The following RIMS2 variants were observed in gnomAD, a reference collection of about 807,000 sequenced individuals.
RIMS2 encodes regulating synaptic membrane exocytosis protein 2.
Under a neutral mutation model 174.4 loss-of-function variants are expected in RIMS2, and 59 were observed. The observed-to-expected ratio is 0.34, with a 90% CI of 0.27 to 0.42. The LOEUF (loss-of-function observed/expected upper bound fraction) is 0.42, where lower values mean the gene tolerates loss of function less well. RIMS2 is among the 10% of genes least tolerant of loss of function. RIMS2 has a pLI of 1.00. For missense variants in RIMS2, 1,620 were observed against 1,666.3 expected, an observed-to-expected ratio of 0.97 and a Z score of 0.48; for synonymous variants, 606 against 572.5, an observed-to-expected ratio of 1.06 and a Z score of -0.84.
chr8:103,836,231 A>T (rs1036179170), intron 3 of RIMS2, among the ~76,000 whole-genome samples: 1 of 152,184 alleles, frequency 6.6e-6, no homozygotes, highest in African/African-American at 2.4e-5. Flanking sequence ...ATTTTATGAT[A>T]ATTATTTATA....
intron 1 of RIMS2, among the ~76,000 whole-genome samples, chr8:103,608,735 G>T (rs1405535773): frequency 6.6e-6 from 1 of 152,120 alleles, no homozygotes; most frequent in African/African-American, 2.4e-5. Context: ...CAGTATTCGG[G>T]TGGGAGTGAC....
intron 19 of RIMS2, among the ~76,000 whole-genome samples, chr8:104,178,885 G>C (rs970306964): frequency 6.6e-6 from 1 of 152,040 alleles, no homozygotes; most frequent in Non-Finnish European, 1.5e-5. Flanking sequence ...TCTCAAAGTA[G>C]TTCTTGGATA....
intron 1 of RIMS2, among the ~76,000 whole-genome samples, chr8:103,531,640 A>G (rs1322990840): frequency 6.6e-6 from 1 of 152,214 alleles, no homozygotes; most frequent in Admixed American, 6.5e-5. Context: ...ATTTTAAAAC[A>G]TCAAAAGAAT....
chr8:104,055,571 G>T (rs1473903646), intron 19 of RIMS2, among the ~76,000 whole-genome samples: 1 of 152,070 alleles, frequency 6.6e-6, no homozygotes, highest in Non-Finnish European at 1.5e-5. Flanking sequence ...TTTCTTCTCT[G>T]AGGGAATTTT....
chr8:103,693,108 C>T (rs2097052761), intron 1 of RIMS2, among the ~76,000 whole-genome samples: 1 of 152,150 alleles, frequency 6.6e-6, no homozygotes, highest in Admixed American at 6.5e-5. Flanking sequence ...TAAATGCTCC[C>T]TCTATGAGGG....
intron 14 of RIMS2, among the ~76,000 whole-genome samples, chr8:103,951,958 C>T (rs1297763164): frequency 1.3e-5 from 2 of 152,200 alleles, no homozygotes; most frequent in African/African-American, 4.8e-5. Context: ...TAGGCGGTTT[C>T]GACCTCACAG....
At chr8:104,141,850 AC>A (rs2098579549) in intron 19 of RIMS2, among the ~76,000 whole-genome samples, 1 of 152,136 alleles carries the variant, frequency 6.6e-6, no homozygotes. Context: ...GCCTTCCTTG[AC>A]AACCTTATTT....
intron 16 of RIMS2, among the ~76,000 whole-genome samples, chr8:103,987,245 G>A (rs1467571498): frequency 1.3e-5 from 2 of 151,862 alleles, no homozygotes; most frequent in African/African-American, 4.8e-5. Context: ...TCTAGGCTCA[G>A]ATACCGGGAC....
chr8:103,689,779 T>C (rs1327999728), intron 1 of RIMS2, among the ~76,000 whole-genome samples: 1 of 152,168 alleles, frequency 6.6e-6, no homozygotes, highest in Non-Finnish European at 1.5e-5. Context: ...ATTATAACAC[T>C]GTGATTATGG....
chr8:104,092,236 C>G (rs1278194112), intron 19 of RIMS2, among the ~76,000 whole-genome samples: 3 of 151,642 alleles, frequency 2.0e-5, no homozygotes, highest in Non-Finnish European at 4.4e-5. Context: ...AATGAATTGT[C>G]ATTCGTGGGG....
intron 1 of RIMS2, among the ~76,000 whole-genome samples, chr8:103,664,478 G>A (rs1226774265): frequency 6.6e-6 from 1 of 152,140 alleles, no homozygotes; most frequent in Non-Finnish European, 1.5e-5. Context: ...GATATGAACA[G>A]ACACTTCTCA....
intron 19 of RIMS2, among the ~76,000 whole-genome samples, chr8:104,078,002 G>A (rs1598352062): frequency 6.6e-6 from 1 of 151,838 alleles, no homozygotes; most frequent in Non-Finnish European, 1.5e-5. Context: ...AAATTACCTG[G>A]GTGTGGTGGC....
chr8:103,729,968 G>T (rs902030901), intron 2 of RIMS2, among the ~76,000 whole-genome samples: 1 of 152,136 alleles, frequency 6.6e-6, no homozygotes, highest in African/African-American at 2.4e-5. Context: ...CCTAGCATAT[G>T]GTCTATGCTT....
At chr8:103,886,929 G>T (rs535996431) in intron 4 of RIMS2, among the ~76,000 whole-genome samples, 1 of 151,572 alleles carries the variant, frequency 6.6e-6, no homozygotes, top group South Asian at 2.1e-4. Context: ...AATTATAATG[G>T]TTATCTTTAT....
intron 2 of RIMS2, among the ~76,000 whole-genome samples, chr8:103,703,924 C>A (rs1040569423): frequency 6.6e-6 from 1 of 151,962 alleles, no homozygotes; most frequent in Non-Finnish European, 1.5e-5. Context: ...ACTGTGTTAT[C>A]TGTGTAAAAG....
At chr8:104,001,011 A>G (rs982491694) in intron 17 of RIMS2, among the ~76,000 whole-genome samples, 2 of 151,832 alleles carry the variant, frequency 1.3e-5, no homozygotes, top group African/African-American at 2.4e-5. Context: ...TCCATTCTGT[A>G]GGTGTCACTT....
Position 103,785,106 on chromosome 8 carries a change from T to G in RIMS2, c.698+18569T>G, listed in dbSNP as rs1235014497. 4.4e-4 allele frequency among the ~76,000 whole-genome samples: 63 copies of G among 142,742 alleles called. 6 individuals carry two copies. Among genetic ancestry groups the G allele is most frequent in the African/African-American group, 1.7e-3 (63 of 37,570 alleles). The allele number at this position is 142,742 out of a possible 152,430, so 93.6% of individuals were successfully genotyped here. On this transcript the variant is annotated intron_variant, in intron 3 of 23. Transcript: ENST00000504942. The stretch of plus-strand genomic sequence containing the variant: ...GGTGCGTAAGAATGCTTGTGATTTT[T>G]GTACATTGATTTTGTATCCTGAGAC...
intron 1 of RIMS2, among the ~76,000 whole-genome samples, chr8:103,504,690 G>A (rs954775460): frequency 6.6e-6 from 1 of 151,980 alleles, no homozygotes; most frequent in African/African-American, 2.4e-5. Flanking sequence ...AAATTTTCCT[G>A]ATAGGTTAGG....
chr8:103,597,576 A>G (rs1171088248), intron 1 of RIMS2, among the ~76,000 whole-genome samples: 26 of 151,968 alleles, frequency 1.7e-4, no homozygotes, highest in Admixed American at 1.6e-3. Context: ...TCTCTGTTCA[A>G]TGTTATACTT....
Sources: gnomAD v4.1 joint callset for allele counts (sites outside exome capture counted in the v4.1 genomes callset) on GRCh38, gnomAD v4.1.1 for gene constraint, MANE v1.5 for transcripts, NCBI Gene and HGNC (gene_info 2026-07-23, HGNC 2026-07-21) for gene names.